NSUN2: variants seen among roughly 807,000 people sequenced by gnomAD.
NSUN2 encodes NOP2/Sun RNA methyltransferase 2.
A neutral mutation model predicts 92.7 loss-of-function variants in NSUN2; 63 were observed. That is an observed-to-expected ratio of 0.68 (90% CI 0.56 to 0.84). The LOEUF is 0.84. NSUN2 is among the 40% of genes least tolerant of loss of function. NSUN2 has a pLI of 0.00. For missense variants in NSUN2, 989 were observed against 964.9 expected, an observed-to-expected ratio of 1.02 and a Z score of -0.33; for synonymous variants, 356 against 348.3, an observed-to-expected ratio of 1.02 and a Z score of -0.25.
At chr5:6,625,167 T>TA (rs1737606771) in intron 4 of NSUN2, among the ~76,000 whole-genome samples, 1 of 151,980 alleles carries the variant, frequency 6.6e-6, no homozygotes, top group African/African-American at 2.4e-5. Context: ...AAATCAATTT[T>TA]AAAAAACAGA....
chr5:6,630,094 C>A (rs1271158351), intron 3 of NSUN2, among the ~76,000 whole-genome samples: 1 of 152,156 alleles, frequency 6.6e-6, no homozygotes, highest in African/African-American at 2.4e-5. Context: ...TGAGCAAAGT[C>A]TACAACCTAG....
chr5:6,628,773 T>C (rs1737756264), intron 3 of NSUN2, among the ~76,000 whole-genome samples: 1 of 152,236 alleles, frequency 6.6e-6, no homozygotes, highest in South Asian at 2.1e-4. Flanking sequence ...CCAGGAATGG[T>C]GGCTCATGTC....
intron 9 of NSUN2, among the ~76,000 whole-genome samples, chr5:6,615,650 G>A (rs531575423): frequency 1.3e-5 from 2 of 152,296 alleles, no homozygotes; most frequent in Admixed American, 6.5e-5. Flanking sequence ...GCACAACCCA[G>A]ACCAGCCAGC....
Position 6,600,180 on chromosome 5 carries a change from C to T in NSUN2, c.2050G>A (p.Ala684Thr). Residue 684 changes from alanine to threonine, a missense_variant, in exon 19 of 19, where the codon GCC becomes ACC. Transcript: ENST00000264670. ...PIVLCGWRGK[A>T]SIRTFVPKNE... The stretch of plus-strand genomic sequence containing the variant: ...TTGGGCACAAAAGTTCGAATGGAGG[C>T]CTTTCCCCGCCATCCGCATAAGACG... The T allele has an allele frequency of 6.2e-7, 1 of 1,614,216 alleles. No individual in the cohort carries two copies.
chr5:6,621,527 T>G (rs540814417), intron 6 of NSUN2: 2 of 152,290 alleles, frequency 1.3e-5, no homozygotes, highest in East Asian at 1.9e-4. Flanking sequence ...GGCGGGCGGA[T>G]CACGAGGTCA....
At chr5:6,609,026 G>A (rs12374467) in intron 12 of NSUN2, among the ~76,000 whole-genome samples, 86,622 of 152,024 alleles carry the variant, frequency 0.57, 25,810 homozygotes, top group Non-Finnish European at 0.67. Flanking sequence ...GAGGCTGTAC[G>A]TTCCAACGTT....
At chr5:6,624,420 C>G (rs1737571690) in intron 4 of NSUN2, among the ~76,000 whole-genome samples, 1 of 152,120 alleles carries the variant, frequency 6.6e-6, no homozygotes, top group African/African-American at 2.4e-5. Context: ...TAGTTCCCTA[C>G]AACATTTGCT....
In NSUN2 at chr5:6,607,311, G is replaced by A. The variant is rs1029851078; in HGVS notation, c.1397C>T (p.Thr466Ile). 3.1e-6 allele frequency: 5 copies of A among 1,614,150 alleles called. No homozygotes were observed. Among genetic ancestry groups the A allele is most frequent in the Non-Finnish European group, 4.2e-6 (5 of 1,179,998 alleles). ...CGGACTTTCCAGCTTAGAGGGATCT[G>A]TGGGTTTCCCTTCTGTGAGATCTGC... is the stretch of plus-strand genomic sequence containing the variant. ...SPADLTEGKP[T>I]DPSKLESPSF... The change falls in exon 13 of 19, where the codon ACA becomes ATA. Residue 466 changes from threonine to isoleucine, a missense_variant. Physicochemically the swap from Thr to Ile is moderately conservative, Grantham distance 89 (BLOSUM62 -1). Transcript: ENST00000264670.
chr5:6,607,043 G>A (rs1381810300), intron 13 of NSUN2, 131 bp from the exon 14 acceptor site: 13 of 971,098 alleles, frequency 1.3e-5, no homozygotes, highest in East Asian at 4.8e-5. Context: ...GAAACCTTCC[G>A]GCTTCCACAG....
intron 3 of NSUN2, among the ~76,000 whole-genome samples, chr5:6,627,191 C>G (rs1169894413): frequency 6.6e-6 from 1 of 152,102 alleles, no homozygotes; most frequent in African/African-American, 2.4e-5. Flanking sequence ...ATTCATAAGG[C>G]AATTTTAAAA....
chr5:6,625,098 G>GT (rs1737603529), intron 4 of NSUN2, among the ~76,000 whole-genome samples: 1 of 145,632 alleles, frequency 6.9e-6, no homozygotes, highest in Admixed American at 6.8e-5. Context: ...GCAATGTGTG[G>GT]TAAGAAAAAA....
chr5:6,603,532 A>T (rs182025897), intron 17 of NSUN2, among the ~76,000 whole-genome samples: 2,834 of 152,282 alleles, frequency 0.019, 38 homozygotes, highest in Non-Finnish European at 0.026. Context: ...TCTACTAAAA[A>T]TACAAAAAAT....
intron 3 of NSUN2, among the ~76,000 whole-genome samples, chr5:6,626,000 C>A (rs1469728811): frequency 6.6e-6 from 1 of 152,044 alleles, no homozygotes; most frequent in Admixed American, 6.6e-5. Flanking sequence ...TATAAGGTAA[C>A]AATGGTAAGG....
Position 6,622,042 on chromosome 5 carries a change from T to C in NSUN2, c.596A>G (p.His199Arg). The C allele has an allele frequency of 6.2e-7, 1 of 1,614,184 alleles. No homozygotes were observed. The change falls in exon 6 of 19, where the codon CAT becomes CGT. Residue 199 changes from histidine (H) to arginine (R), a missense_variant. Physicochemically the swap from His to Arg is conservative, Grantham distance 29. Coordinates refer to ENST00000264670, the MANE Select transcript of NSUN2 (RefSeq NM_017755.6). ...TGGAAAGGGGACATTCATGTCGGCA[T>C]GTAGCATTTCAATTAACTGTGTGGT... is the stretch of plus-strand genomic sequence containing the variant. The part of the protein sequence containing the change: ...SKTTQLIEML[H>R]ADMNVPFPEG...
intron 5 of NSUN2, among the ~76,000 whole-genome samples, 167 bp downstream of exon 5, chr5:6,623,047 A>G (rs547059487): frequency 7.6e-5 from 11 of 145,448 alleles, no homozygotes; most frequent in African/African-American, 2.7e-4. Flanking sequence ...CAAAAAAGAA[A>G]AAAAAAAAAA....
intron 9 of NSUN2, among the ~76,000 whole-genome samples, chr5:6,612,127 A>G (rs1474084271): frequency 2.6e-5 from 4 of 152,174 alleles, no homozygotes; most frequent in Non-Finnish European, 4.4e-5. Flanking sequence ...AAAATGAGCA[A>G]ACATTAACAA....
chr5:6,609,808 G>C lies in NSUN2; in HGVS notation c.1323+18C>G, dbSNP rs759502536. Reference sequence around the variant, plus strand: ...ACAAGATCAAATGTTATGTCATTTTGGAAAAAGAAAAACTCACCTTTGGCT... The same window carrying C: ...ACAAGATCAAATGTTATGTCATTTTCGAAAAAGAAAAACTCACCTTTGGCT... On this transcript the variant is annotated intron_variant, in intron 12 of 18. Coordinates refer to ENST00000264670, the MANE Select transcript of NSUN2 (RefSeq NM_017755.6). 1 of 1,586,474 alleles carries C rather than the reference G, an allele frequency of 6.3e-7. No homozygotes were observed. Among genetic ancestry groups the C allele is most frequent in the Non-Finnish European group, 8.6e-7 (1 of 1,158,572 alleles).
chr5:6,600,077 G>A lies in NSUN2; in HGVS notation c.2153C>T (p.Thr718Ile), dbSNP rs1170903040. The change falls in exon 19 of 19, where the codon ACA (threonine) becomes ATA (isoleucine). Residue 718 changes from threonine (T) to isoleucine (I), a missense_variant. By Grantham distance (89) the Thr-to-Ile change is moderately conservative. Around this residue, in one of 3 missense-constraint regions of NSUN2, gnomAD observed 626 missense variants for 602.3 expected, o/e 1.04. Coordinates refer to ENST00000264670, the MANE Select transcript of NSUN2 (RefSeq NM_017755.6). Reference sequence around the variant, plus strand: ...TCCGGTGCTGGCTGCACTCTCATTTGTGAGGATAACCCCTTCCTTCTTCTT... The same window carrying A: ...TCCGGTGCTGGCTGCACTCTCATTTATGAGGATAACCCCTTCCTTCTTCTT... ...GEKKKEGVILTNESAASTGQP... is the reference protein window; with the variant it reads ...GEKKKEGVILINESAASTGQP... 6.2e-7 allele frequency: 1 copy of A among 1,614,212 alleles called. No individual in the cohort carries two copies. The highest frequency in any genetic ancestry group is 2.2e-5 in the East Asian group (1 of 44,882).
Position 6,625,663 on chromosome 5 carries a change from A to G in NSUN2, c.366T>C (p.Pro122=). 12 of 1,613,082 alleles carry G rather than the reference A, an allele frequency of 7.4e-6. No homozygotes were observed. The highest frequency in any genetic ancestry group is 1.0e-5 in the Non-Finnish European group (12 of 1,179,036). Residue 122 remains proline (P), a synonymous_variant, in exon 4 of 19, where the codon CCT becomes CCC. Coordinates refer to ENST00000264670, the MANE Select transcript of NSUN2 (RefSeq NM_017755.6). The stretch of plus-strand genomic sequence containing the variant: ...AATTTGTGTGCCAGGCAAGTTCTTC[A>G]GGATACCTGACCAAAAAGAAAGCAA... ...VEVPQPLSWY[P]EELAWHTNLS...
Sources: gnomAD v4.1 joint callset for allele counts (sites outside exome capture counted in the v4.1 genomes callset) on GRCh38, gnomAD v4.1.1 for gene constraint, gnomAD v4.1.1 regional missense constraint, MANE v1.5 for transcripts, NCBI Gene and HGNC (gene_info 2026-07-23, HGNC 2026-07-21) for gene names.